MORN2: variants seen among roughly 807,000 people sequenced by gnomAD.
The protein encoded by MORN2 is MORN repeat-containing protein 2.
A neutral mutation model predicts 13.4 loss-of-function variants in MORN2; 15 were observed. The observed-to-expected ratio is 1.12, with a 90% confidence interval of 0.75 to 1.72. The LOEUF is 1.72. Ranked by LOEUF, MORN2 falls within the 40% of genes most tolerant of loss-of-function variation. The pLI is 0.00. For synonymous variants in MORN2, 46 were observed against 43.6 expected (o/e 1.06, Z -0.22); for missense variants, 168 against 134.6 (o/e 1.25, Z -1.23).
intron 1 of MORN2, among the ~76,000 whole-genome samples, chr2:38,876,817 C>G (rs569235727): frequency 6.6e-6 from 1 of 152,256 alleles, no homozygotes; most frequent in East Asian, 1.9e-4. Flanking sequence ...AGACACTGGG[C>G]TAAGTGCTTT....
intron 1 of MORN2, among the ~76,000 whole-genome samples, chr2:38,877,547 A>G (rs1363689903): frequency 6.6e-6 from 1 of 152,086 alleles, no homozygotes; most frequent in Non-Finnish European, 1.5e-5. Context: ...TTAACCCCTA[A>G]ACGAGATCAG....
intron 1 of MORN2, among the ~76,000 whole-genome samples, chr2:38,877,700 C>T (rs1665681569): frequency 6.6e-6 from 1 of 152,010 alleles, no homozygotes; most frequent in Non-Finnish European, 1.5e-5. Flanking sequence ...AGGCTGGTCT[C>T]AAACTCCTGG....
chr2:38,877,338 C>G (rs1472655444), intron 1 of MORN2, among the ~76,000 whole-genome samples: 3 of 151,982 alleles, frequency 2.0e-5, no homozygotes, highest in Middle Eastern at 3.4e-3. Context: ...AAGAAAGTAG[C>G]TCTGTGTCCC....
At chr2:38,880,800 T>A in intron 3 of MORN2, 94 bp downstream of exon 3, 1 of 1,308,028 alleles carries the variant, frequency 7.6e-7, no homozygotes, top group Non-Finnish European at 1.0e-6. Context: ...ACTCCTATAA[T>A]GAGTAGACTA....
At chr2:38,880,980 A>G (rs1243657603) in intron 3 of MORN2, among the ~76,000 whole-genome samples, 1 of 152,210 alleles carries the variant, frequency 6.6e-6, no homozygotes, top group African/African-American at 2.4e-5. Context: ...ACCTCATGAG[A>G]TAGGTACCAT....
At chr2:38,877,320 A>T (rs1230798708) in intron 1 of MORN2, among the ~76,000 whole-genome samples, 1 of 151,846 alleles carries the variant, frequency 6.6e-6, no homozygotes, top group Non-Finnish European at 1.5e-5. Context: ...ATTAAAAAAT[A>T]AAAAAGAAAG....
chr2:38,877,841 C>T (rs1665689220), intron 1 of MORN2, among the ~76,000 whole-genome samples: 3 of 151,554 alleles, frequency 2.0e-5, no homozygotes, highest in Admixed American at 6.6e-5. Context: ...CTGTCTCACC[C>T]AGGCTGGAGG....
chr2:38,878,493 T>G (rs1174267347), intron 1 of MORN2, among the ~76,000 whole-genome samples: 3 of 152,174 alleles, frequency 2.0e-5, no homozygotes. Context: ...CTTTCCATCA[T>G]TTTAAAATTC....
At chr2:38,881,700 G>T (rs760836294) in intron 4 of MORN2, 122 bp downstream of exon 4, 396 of 756,450 alleles carry the variant, frequency 5.2e-4, no homozygotes, top group Non-Finnish European at 7.0e-4. Context: ...ATCCAGGCAG[G>T]AGTGCAGTGG....
In MORN2 at chr2:38,881,574, A is replaced by C; in HGVS notation, c.349A>C (p.Asn117His). ...AAAGTATACTGGAAATTTCAATGAAAATAGGTAAGCTTAAAATAAAAAAAA... is the reference window on the plus strand; with the variant it reads ...AAAGTATACTGGAAATTTCAATGAACATAGGTAAGCTTAAAATAAAAAAAA... The change falls in exon 4 of 5, where the codon AAT becomes CAT. Residue 117 changes from asparagine to histidine, a missense_variant. Coordinates refer to ENST00000644631, the MANE Select transcript of MORN2 (RefSeq NM_001145450.3). 3 of 1,511,848 alleles carry C rather than the reference A, an allele frequency of 2.0e-6. No individual in the cohort carries two copies. The highest frequency in any genetic ancestry group is 2.6e-6 in the Non-Finnish European group (3 of 1,134,302). The allele number at this position is 1,511,848 out of a possible 1,614,324, so 93.7% of individuals were successfully genotyped here.
chr2:38,880,316 T>C, intron 2 of MORN2, 87 bp downstream of exon 2: 1 of 399,092 alleles, frequency 2.5e-6, no homozygotes, highest in Non-Finnish European at 4.4e-6. Flanking sequence ...TTTATAAAAC[T>C]ACTATTAGGA....
At chr2:38,881,386 A>G (rs1665774270) in intron 3 of MORN2, 56 bp from the exon 4 acceptor site, 1 of 1,452,560 alleles carries the variant, frequency 6.9e-7, no homozygotes, top group East Asian at 2.6e-5. Context: ...CATTTTTTAA[A>G]GGTTCTTGGG....
chr2:38,879,728 T>A (rs979641554), intron 1 of MORN2, among the ~76,000 whole-genome samples: 5 of 152,130 alleles, frequency 3.3e-5, no homozygotes, highest in African/African-American at 1.2e-4. Context: ...AAAATTAGAT[T>A]GTGATGATAG....
chr2:38,882,634 C>T lies in MORN2; in HGVS notation c.*119C>T. The T allele has an allele frequency of 9.8e-6, 6 of 609,590 alleles. No homozygotes were observed. The highest frequency in any genetic ancestry group is 2.9e-5 in the East Asian group (1 of 35,020). The allele number at this position is 609,590 out of a possible 1,614,324, so 37.8% of individuals were successfully genotyped here. A position where few individuals can be genotyped will look rare whatever the true frequency, so the allele number is the denominator to read the frequency against. ...TACCCCTATAAGTTTGCCAATAAAA[C>T]CATCACCTGCTTACACCTTTTTGAA... On this transcript the variant is annotated 3_prime_UTR_variant, in exon 5 of 5. Transcript: ENST00000644631.
chr2:38,880,851 C>A, intron 3 of MORN2, 145 bp downstream of exon 3: 1 of 903,226 alleles, frequency 1.1e-6, no homozygotes, highest in Non-Finnish European at 1.6e-6. Context: ...CATATATTAA[C>A]TTATGAGTAA....
At position 38,881,487 on chromosome 2, in the gene MORN2, G is replaced by A; in HGVS notation, c.262G>A (p.Glu88Lys). 6.5e-7 allele frequency: 1 copy of A among 1,546,014 alleles called. No individual in the cohort carries two copies. The highest frequency in any genetic ancestry group is 2.5e-5 in the East Asian group (1 of 40,490). The change falls in exon 4 of 5, where the codon GAA becomes AAA. Residue 88 changes from glutamate (E) to lysine (K), a missense_variant. Transcript: ENST00000644631. ...TGAGCATTTTTCAGGAGCAGTATAT[G>A]AAGGACAATTTAAGGATAATATGTT... is the stretch of plus-strand genomic sequence containing the variant.
intron 4 of MORN2, among the ~76,000 whole-genome samples, 154 bp downstream of exon 4, chr2:38,881,732 C>G (rs1049450069): frequency 1.3e-5 from 2 of 152,144 alleles, no homozygotes; most frequent in African/African-American, 4.8e-5. Flanking sequence ...CTCACTGCAA[C>G]CTCTGCCTCC....
At chr2:38,882,085 G>A (rs1211543595) in intron 4 of MORN2, among the ~76,000 whole-genome samples, 1 of 152,184 alleles carries the variant, frequency 6.6e-6, no homozygotes. Flanking sequence ...AATAAGTGAA[G>A]TAATTAAGCT....
At chr2:38,877,309 A>T (rs953332414) in intron 1 of MORN2, among the ~76,000 whole-genome samples, 2 of 151,790 alleles carry the variant, frequency 1.3e-5, no homozygotes, top group African/African-American at 4.8e-5. Flanking sequence ...AATTAAATTA[A>T]ATTAAAAAAT....
Sources: gnomAD v4.1 joint callset for allele counts (sites outside exome capture counted in the v4.1 genomes callset) on GRCh38, gnomAD v4.1.1 for gene constraint, MANE v1.5 for transcripts, NCBI Gene and HGNC (gene_info 2026-07-23, HGNC 2026-07-21) for gene names.